GNAQ: variants seen among roughly 807,000 people sequenced by gnomAD.
The protein encoded by GNAQ is G protein subunit alpha q, also known as guanine nucleotide-binding protein G(q) subunit alpha.
Under a neutral mutation model 43.9 loss-of-function variants are expected in GNAQ, and 8 were observed. The ratio of observed to expected loss-of-function variants is 0.18; its 90% confidence interval spans 0.11 to 0.33. The LOEUF (loss-of-function observed/expected upper bound fraction) is 0.33. Among genes scored for constraint, GNAQ ranks in the 10% least tolerant of loss-of-function variants. The pLI is 1.00. For missense variants in GNAQ, 158 were observed against 450.8 expected (o/e 0.35, Z 5.88); for synonymous variants, 155 against 170.7 (o/e 0.91, Z 0.71).
chr9:78,013,511 C>G (rs1239203020), intron 1 of GNAQ, among the ~76,000 whole-genome samples: 2 of 151,492 alleles, frequency 1.3e-5, no homozygotes, highest in Admixed American at 1.3e-4. Flanking sequence ...CCCCTTCCTG[C>G]GTCCATGTGT....
At chr9:77,762,075 G>C (rs1826042263) in intron 5 of GNAQ, among the ~76,000 whole-genome samples, 1 of 132,236 alleles carries the variant, frequency 7.6e-6, no homozygotes, top group East Asian at 2.5e-4. Flanking sequence ...GAGGGAGGTG[G>C]GGGGGTCAGC....
At chr9:77,779,194 A>G (rs1244301508) in intron 5 of GNAQ, among the ~76,000 whole-genome samples, 1 of 151,992 alleles carries the variant, frequency 6.6e-6, no homozygotes, top group Non-Finnish European at 1.5e-5. Context: ...AACAAATTTA[A>G]AAGAATGAAA....
intron 5 of GNAQ, among the ~76,000 whole-genome samples, chr9:77,732,468 C>A (rs550945389): frequency 6.6e-6 from 1 of 151,742 alleles, no homozygotes; most frequent in Non-Finnish European, 1.5e-5. Context: ...TGAGTTCAAG[C>A]GATTCTCCTG....
chr9:77,949,496 C>A (rs1243292433), intron 1 of GNAQ, among the ~76,000 whole-genome samples: 1 of 152,164 alleles, frequency 6.6e-6, no homozygotes, highest in Admixed American at 6.5e-5. Context: ...AGCATGGACC[C>A]CAACATGAGT....
chr9:77,990,237 T>C (rs1823492096), intron 1 of GNAQ, among the ~76,000 whole-genome samples: 1 of 152,254 alleles, frequency 6.6e-6, no homozygotes, highest in African/African-American at 2.4e-5. Context: ...TTTCTTTCTT[T>C]AATTTTTTAG....
intron 2 of GNAQ, among the ~76,000 whole-genome samples, chr9:77,847,290 C>T (rs1346013676): frequency 6.6e-6 from 1 of 152,134 alleles, no homozygotes; most frequent in African/African-American, 2.4e-5. Flanking sequence ...TTCAGAAAGC[C>T]GGAAACGCTA....
At chr9:77,917,768 A>T (rs1828934698) in intron 2 of GNAQ, among the ~76,000 whole-genome samples, 1 of 152,172 alleles carries the variant, frequency 6.6e-6, no homozygotes, top group Admixed American at 6.6e-5. Context: ...TAGTTCACAG[A>T]CTATTCAGAA....
chr9:77,735,912 C>G (rs1825571301), intron 5 of GNAQ, among the ~76,000 whole-genome samples: 1 of 152,124 alleles, frequency 6.6e-6, no homozygotes, highest in African/African-American at 2.4e-5. Context: ...CCTCATGTAT[C>G]TCCCATGGTT....
chr9:77,724,381 G>A (rs1164338220), intron 6 of GNAQ, among the ~76,000 whole-genome samples: 1 of 152,102 alleles, frequency 6.6e-6, no homozygotes, highest in East Asian at 1.9e-4. Flanking sequence ...TAGAAGAGAA[G>A]AGACAGGGTT....
chr9:77,740,151 G>A lies in GNAQ; in HGVS notation c.736-11484C>T, dbSNP rs146161201. On this transcript the variant is annotated intron_variant, in intron 5 of 6. Coordinates refer to ENST00000286548, the MANE Select transcript of GNAQ (RefSeq NM_002072.5). ...GGGTCAGTCTGGCCCAGAAACACACGTGGCCGCCTGATTCTTTGGCCAACA... is the reference window on the plus strand; with the variant it reads ...GGGTCAGTCTGGCCCAGAAACACACATGGCCGCCTGATTCTTTGGCCAACA... 2.7e-3 allele frequency among the ~76,000 whole-genome samples: 415 copies of A among 152,208 alleles called. 4 individuals carry two copies. Among genetic ancestry groups the A allele is most frequent in the African/African-American group, 8.6e-3 (357 of 41,500 alleles).
chr9:77,760,321 C>T (rs976559485), intron 5 of GNAQ, among the ~76,000 whole-genome samples: 4 of 152,082 alleles, frequency 2.6e-5, no homozygotes, highest in Non-Finnish European at 5.9e-5. Context: ...ATTCTCCTGC[C>T]TCAGCCTGCT....
Position 77,858,290 on chromosome 9 carries a change from C to G in GNAQ, c.322-42520G>C, listed in dbSNP as rs78875145. Among the ~76,000 whole-genome samples, 21 of 152,236 alleles carry G rather than the reference C, an allele frequency of 1.4e-4. No individual in the cohort carries two copies. The East Asian group carries it at 4.1e-3, about 29-fold the overall frequency. ...AGAGACAGGACTTTGACCACATAACCTGGGAGATCTTTTCAATACAATACG... is the reference window on the plus strand; with the variant it reads ...AGAGACAGGACTTTGACCACATAACGTGGGAGATCTTTTCAATACAATACG... On this transcript the variant is annotated intron_variant, in intron 2 of 6. Transcript: ENST00000286548.
intron 1 of GNAQ, among the ~76,000 whole-genome samples, chr9:77,998,984 C>T (rs553313064): frequency 2.8e-5 from 4 of 144,018 alleles, no homozygotes; most frequent in African/African-American, 1.0e-4. Flanking sequence ...CCAGCTACTT[C>T]GGGGGGCTGA....
chr9:77,820,842 C>T (rs904575545), intron 2 of GNAQ, among the ~76,000 whole-genome samples: 1 of 152,114 alleles, frequency 6.6e-6, no homozygotes. Context: ...ACCTCAGTTT[C>T]TTCATCTATA....
At chr9:78,004,954 G>A (rs1230737596) in intron 1 of GNAQ, among the ~76,000 whole-genome samples, 2 of 152,090 alleles carry the variant, frequency 1.3e-5, no homozygotes, top group Admixed American at 1.3e-4. Flanking sequence ...TAGAAGAGGG[G>A]GTGGGATCAG....
At chr9:77,765,806 G>A (rs986537429) in intron 5 of GNAQ, among the ~76,000 whole-genome samples, 2 of 152,300 alleles carry the variant, frequency 1.3e-5, no homozygotes, top group Non-Finnish European at 1.5e-5. Flanking sequence ...CACAATTCAC[G>A]ACAGCCAAAA....
chr9:77,741,374 C>A (rs1201334113), intron 5 of GNAQ, among the ~76,000 whole-genome samples: 1 of 152,166 alleles, frequency 6.6e-6, no homozygotes, highest in East Asian at 1.9e-4. Context: ...CAACAAAGCA[C>A]ATATATGGAA....
intron 1 of GNAQ, among the ~76,000 whole-genome samples, chr9:77,938,787 G>C (rs530963081): frequency 6.6e-6 from 1 of 152,298 alleles, no homozygotes; most frequent in Admixed American, 6.5e-5. Flanking sequence ...GCATTTTCAG[G>C]GCATACAGGC....
chr9:77,990,298 A>C (rs939595528), intron 1 of GNAQ, among the ~76,000 whole-genome samples: 7 of 152,212 alleles, frequency 4.6e-5, no homozygotes, highest in East Asian at 3.8e-4. Flanking sequence ...GCACAATAAT[A>C]GCAACCTTGA....
Sources: gnomAD v4.1 joint callset for allele counts (sites outside exome capture counted in the v4.1 genomes callset) on GRCh38, gnomAD v4.1.1 for gene constraint, MANE v1.5 for transcripts, NCBI Gene and HGNC (gene_info 2026-07-23, HGNC 2026-07-21) for gene names.